Variants in ARID3A observed in about 807,000 individuals in gnomAD.
ARID3A encodes AT-rich interaction domain 3A, also known as AT-rich interactive domain-containing protein 3A.
A neutral mutation model predicts 52.7 loss-of-function variants in ARID3A; 11 were observed. The observed-to-expected ratio is 0.21, with a 90% CI of 0.13 to 0.35. The LOEUF is 0.35. Ranked by LOEUF, ARID3A falls within the 10% of genes least tolerant of loss-of-function variation. ARID3A has a pLI of 1.00. For missense variants in ARID3A, 721 were observed against 838.5 expected, an observed-to-expected ratio of 0.86 and a Z score of 1.73; for synonymous variants, 404 against 359.4, an observed-to-expected ratio of 1.12 and a Z score of -1.40.
chr19:926,456 CCT>C (rs938406660), intron 1 of ARID3A, among the ~76,000 whole-genome samples: 11 of 150,256 alleles, frequency 7.3e-5, no homozygotes, highest in African/African-American at 2.7e-4. Flanking sequence ...CGCGCCCCCC[CCT>C]CCCCAGCGGA....
At chr19:957,611 C>T (rs1162585865) in intron 3 of ARID3A, among the ~76,000 whole-genome samples, 1 of 152,190 alleles carries the variant, frequency 6.6e-6, no homozygotes, top group African/African-American at 2.4e-5. Flanking sequence ...GAAGGCAACA[C>T]GTGAGGATCG....
In ARID3A at chr19:941,643, C is replaced by T. The variant is rs1388526585; in HGVS notation, c.693+8901C>T. 6.6e-6 allele frequency among the ~76,000 whole-genome samples: 1 copy of T among 152,050 alleles called. No homozygotes were observed. The highest frequency in any genetic ancestry group is 1.5e-5 in the Non-Finnish European group (1 of 68,018). On this transcript the variant is annotated intron_variant, in intron 3 of 8. Coordinates refer to ENST00000263620, the MANE Select transcript of ARID3A (RefSeq NM_005224.3). This position sits in a 1 kb window ranked among gnomAD's most constrained non-coding sequence, Gnocchi z 6.9. The stretch of plus-strand genomic sequence containing the variant: ...ATTTTTTTAACTATAAAGATGGGGT[C>T]TTGCCATCATGTTGCCCAGCCTGGT...
chr19:931,343 C>CT (rs1432640657), intron 2 of ARID3A, among the ~76,000 whole-genome samples: 1 of 151,370 alleles, frequency 6.6e-6, no homozygotes, highest in Non-Finnish European at 1.5e-5. Context: ...ATCCCAGCTA[C>CT]TCAGGAGGCT....
At position 972,242 on chromosome 19, in the gene ARID3A, TATATAC is replaced by T. The variant is rs1314358702; in HGVS notation, c.*179_*184del. The T allele has an allele frequency of 4.3e-4, 92 of 212,874 alleles. No individual in the cohort carries two copies. The highest frequency in any genetic ancestry group is 1.3e-3 in the African/African-American group (55 of 42,026). The allele number at this position is 212,874 out of a possible 1,614,324, so 13.2% of individuals were successfully genotyped here. A position where few individuals can be genotyped will look rare whatever the true frequency, so the allele number is the denominator to read the frequency against. On this transcript the variant is annotated 3_prime_UTR_variant, in exon 9 of 9. Coordinates refer to ENST00000263620, the MANE Select transcript of ARID3A (RefSeq NM_005224.3). ...AAAAAGATATATATATATATATATA[TATATAC>T]ACGTATATATATAAAGAGAATTTAA... is the stretch of plus-strand genomic sequence containing the variant.
intron 2 of ARID3A, 139 bp from the exon 3 acceptor site, chr19:932,279 C>G (rs1422302071): frequency 4.1e-6 from 6 of 1,479,026 alleles, no homozygotes; most frequent in Non-Finnish European, 5.4e-6. Flanking sequence ...CATGAGCGCT[C>G]TCTGCAGTCT....
chr19:930,744 C>A (rs112563040), intron 2 of ARID3A, among the ~76,000 whole-genome samples: 2 of 150,924 alleles, frequency 1.3e-5, no homozygotes, highest in Middle Eastern at 3.4e-3. Context: ...CTCCTGACCT[C>A]ATGATCTGCC....
intron 3 of ARID3A, among the ~76,000 whole-genome samples, chr19:945,721 G>T (rs1249539314): frequency 6.6e-6 from 1 of 152,010 alleles, no homozygotes; most frequent in African/African-American, 2.4e-5. Flanking sequence ...CGGACTCCAG[G>T]CAGGCCCGTG....
rs2037488765 is a variant in ARID3A, at chr19:938,914, A to G, written c.693+6172A>G. Among the ~76,000 whole-genome samples, 1 of 148,420 alleles carries G rather than the reference A, an allele frequency of 6.7e-6. No homozygotes were observed. The highest frequency in any genetic ancestry group is 6.7e-5 in the Admixed American group (1 of 14,884). On this transcript the variant is annotated intron_variant, in intron 3 of 8. Transcript: ENST00000263620. The surrounding 1 kb of genome is among the most constrained non-coding windows in gnomAD (Gnocchi z 4.0). ...TTAATTGTGGAAAATACACATAGATACATTATTTTATCTCTCTTTTTTTTT... is the reference window on the plus strand; with the variant it reads ...TTAATTGTGGAAAATACACATAGATGCATTATTTTATCTCTCTTTTTTTTT...
intron 3 of ARID3A, among the ~76,000 whole-genome samples, chr19:935,154 C>T (rs2037413216): frequency 6.6e-6 from 1 of 152,248 alleles, no homozygotes; most frequent in South Asian, 2.1e-4. Flanking sequence ...TCTGCCTCTT[C>T]CTCCCAGGTC....
At chr19:966,892 G>T (rs769323982) in intron 7 of ARID3A, 24 bp downstream of exon 7, 4 of 1,577,666 alleles carry the variant, frequency 2.5e-6, no homozygotes, top group Non-Finnish European at 3.5e-6. Flanking sequence ...GCCCAGACCC[G>T]CTGTGCTTCC....
rs775338115 is a variant in ARID3A, at chr19:973,104, A to ATCTTTTTTTTTTTTTTTTTTT, written c.*1040_*1041insCTTTTTTTTTTTTTTTTTTTT. 9.3e-5 allele frequency: 5 copies of ATCTTTTTTTTTTTTTTTTTTT among 53,660 alleles called. No homozygotes were observed. The highest frequency in any genetic ancestry group is 4.9e-4 in the East Asian group (1 of 2,046). 3.3% of individuals were successfully genotyped at this position (53,660 alleles called of 1,614,324 possible). On this transcript the variant is annotated 3_prime_UTR_variant, in exon 9 of 9. Transcript: ENST00000263620. Reference sequence around the variant, plus strand: ...GGGCTCTCGAGTCAGGGGCCTGGAAATTTTTTTTTTTTTTTTTTTTTGAGA... The same window carrying ATCTTTTTTTTTTTTTTTTTTT: ...GGGCTCTCGAGTCAGGGGCCTGGAAATCTTTTTTTTTTTTTTTTTTTTTTTTTTTTTTTTTTTTTTTTGAGA...
At chr19:925,796 A>G (rs1041248628), upstream of ARID3A, 1 of 151,968 alleles carries the variant, frequency 6.6e-6, no homozygotes, top group African/African-American at 2.4e-5. Context: ...CCGGCTCCCC[A>G]GCGCCCCCGG....
chr19:971,957 C>T lies in ARID3A; in HGVS notation c.1674C>T (p.Ser558=). ...GAGGCGGCGGCGGCGGCGGCAGCAG[C>T]AGCAACGCAGGCGGCCGGGGAGGAA... is the stretch of plus-strand genomic sequence containing the variant. ...NKGGGGGGGS[S]SNAGGRGGNT... Residue 558 remains serine, a synonymous_variant, in exon 9 of 9, where the codon AGC becomes AGT. Transcript: ENST00000263620. 6.2e-7 allele frequency: 1 copy of T among 1,601,230 alleles called. No individual in the cohort carries two copies.
Position 960,051 on chromosome 19 carries a change from G to T in ARID3A, c.694-41G>T. 1 of 1,576,436 alleles carries T rather than the reference G, an allele frequency of 6.3e-7. No individual in the cohort carries two copies. The highest frequency in any genetic ancestry group is 1.3e-5 in the African/African-American group (1 of 74,092). ...GGAGGGACATGGTTCCCACACCTGA[G>T]CTCTGGCACCAACTAACCCATCCCC... On this transcript the variant is annotated intron_variant, in intron 3 of 8. Transcript: ENST00000263620. The surrounding 1 kb of genome is among the most constrained non-coding windows in gnomAD (Gnocchi z 4.3).
At position 974,761 on chromosome 19, in the gene ARID3A, G is replaced by A. The variant is rs939597942; in HGVS notation, c.*2696G>A. 5 of 230,902 alleles carry A rather than the reference G, an allele frequency of 2.2e-5. No individual in the cohort carries two copies. The highest frequency in any genetic ancestry group is 4.3e-5 in the Non-Finnish European group (5 of 116,792). 14.3% of individuals were successfully genotyped at this position (230,902 alleles called of 1,614,324 possible). Reference sequence around the variant, plus strand: ...TGCGTGTGTGTGTCGGGAATCCTGCGTGTCGTGTCTGTGGGCGATCCGGCC... The same window carrying A: ...TGCGTGTGTGTGTCGGGAATCCTGCATGTCGTGTCTGTGGGCGATCCGGCC... On this transcript the variant is annotated 3_prime_UTR_variant, in exon 9 of 9. Transcript: ENST00000263620.
chr19:958,406 C>A (rs1317469470), intron 3 of ARID3A, among the ~76,000 whole-genome samples: 1 of 118,510 alleles, frequency 8.4e-6, no homozygotes, highest in African/African-American at 3.3e-5. Context: ...CCAGCCTGGG[C>A]GACAGAGCGA....
intron 3 of ARID3A, among the ~76,000 whole-genome samples, chr19:933,194 G>T (rs894481944): frequency 1.3e-5 from 2 of 152,150 alleles, no homozygotes; most frequent in East Asian, 3.9e-4. Context: ...GCGGGCTGCA[G>T]CTGGCAGCCG....
intron 3 of ARID3A, among the ~76,000 whole-genome samples, chr19:956,031 C>T (rs1401604344): frequency 6.6e-6 from 1 of 152,074 alleles, no homozygotes; most frequent in African/African-American, 2.4e-5. Context: ...TGTCTCTGTG[C>T]GACCGTCTCC....
rs1568377753 is a variant in ARID3A at position 972,800 on chromosome 19, GCAAAAAAA to G, written c.*736_*743del. 1 of 8,302 alleles carries G rather than the reference GCAAAAAAA, an allele frequency of 1.2e-4. No individual in the cohort carries two copies. 0.5% of individuals were successfully genotyped at this position (8,302 alleles called of 1,614,324 possible). Reference sequence around the variant, plus strand: ...GGTCTTGAAAAAGCAAGAAAAAAAAGCAAAAAAAAAAAAAAAAAAAAAAAAAAAAAACT... The same window carrying G: ...GGTCTTGAAAAAGCAAGAAAAAAAAGAAAAAAAAAAAAAAAAAAAAAAACT... On this transcript the variant is annotated 3_prime_UTR_variant, in exon 9 of 9. Coordinates refer to ENST00000263620, the MANE Select transcript of ARID3A (RefSeq NM_005224.3).
Sources: allele counts gnomAD v4.1 joint callset (sites outside exome capture counted in the v4.1 genomes callset), GRCh38; gene constraint gnomAD v4.1.1; non-coding constraint Gnocchi (gnomAD v3.1); transcripts MANE v1.5; gene names NCBI Gene and HGNC (gene_info 2026-07-23, HGNC 2026-07-21).